The following TNFSF13B variants were observed in gnomAD, a reference collection of about 807,000 sequenced individuals.
The protein encoded by TNFSF13B is TNF superfamily member 13b, also known as tumor necrosis factor ligand superfamily member 13B.
TNFSF13B carries 8 observed loss-of-function variants against 29.1 expected under a neutral mutation model. That is an observed-to-expected ratio of 0.27 (90% CI 0.16 to 0.50). The LOEUF (loss-of-function observed/expected upper bound fraction) is 0.50. TNFSF13B is among the 20% of genes least tolerant of loss of function. The pLI is 0.98. For missense variants in TNFSF13B, 248 were observed against 334.9 expected (o/e 0.74, Z 2.03); for synonymous variants, 125 against 130.8 (o/e 0.96, Z 0.30).
chr13:108,280,077 T>TC (rs1191541198), intron 2 of TNFSF13B, among the ~76,000 whole-genome samples: 1 of 151,234 alleles, frequency 6.6e-6, no homozygotes, highest in East Asian at 1.9e-4. Context: ...TGCTTTTTTT[T>TC]TTTTTTTTTT....
At chr13:108,292,698 T>C (rs1881355109) in intron 3 of TNFSF13B, among the ~76,000 whole-genome samples, 1 of 152,184 alleles carries the variant, frequency 6.6e-6, no homozygotes, top group Non-Finnish European at 1.5e-5. Flanking sequence ...GAGCATCTTT[T>C]CATGTCCTTT....
chr13:108,302,073 C>T (rs935243159), intron 3 of TNFSF13B, among the ~76,000 whole-genome samples: 1 of 152,158 alleles, frequency 6.6e-6, no homozygotes, highest in Non-Finnish European at 1.5e-5. Context: ...ATCCTGTGCC[C>T]CTCATGAAAA....
At chr13:108,270,609 T>C (rs1880586884) in intron 2 of TNFSF13B, among the ~76,000 whole-genome samples, 185 bp downstream of exon 2, 1 of 152,118 alleles carries the variant, frequency 6.6e-6, no homozygotes, top group Non-Finnish European at 1.5e-5. Flanking sequence ...GCTGCATGGG[T>C]GTGCTTTTTC....
chr13:108,296,751 A>T, intron 3 of TNFSF13B, among the ~76,000 whole-genome samples: 1 of 143,624 alleles, frequency 7.0e-6, no homozygotes, highest in Non-Finnish European at 1.5e-5. Context: ...TTTTCTCTTA[A>T]TTTCTTTTTG....
At chr13:108,289,213 TC>T (rs1881233131) in intron 3 of TNFSF13B, among the ~76,000 whole-genome samples, 1 of 151,860 alleles carries the variant, frequency 6.6e-6, no homozygotes, top group African/African-American at 2.4e-5. Context: ...GCTGCTATAC[TC>T]CAATGTGCGT....
intron 3 of TNFSF13B, among the ~76,000 whole-genome samples, chr13:108,294,148 G>A (rs1881398823): frequency 6.6e-6 from 1 of 150,596 alleles, no homozygotes; most frequent in Non-Finnish European, 1.5e-5. Flanking sequence ...TGAATTCATT[G>A]ATTAGTTTTA....
Position 108,270,027 on chromosome 13 carries a change from C to T in TNFSF13B, c.132C>T (p.Asp44=), listed in dbSNP as rs1206151429. The change falls in exon 1 of 6, where the codon GAC becomes GAT. Residue 44 remains aspartate (D), a synonymous_variant. Coordinates refer to ENST00000375887, the MANE Select transcript of TNFSF13B (RefSeq NM_006573.5). ...KESPSVRSSK[D]GKLLAATLLL... ...GCCCCTCTGTCCGATCCTCCAAAGA[C>T]GGAAAGCTGCTGGCTGCAACCTTGC... 6.2e-7 allele frequency: 1 copy of T among 1,612,492 alleles called. No individual in the cohort carries two copies. The highest frequency in any genetic ancestry group is 1.7e-5 in the Admixed American group (1 of 60,020).
chr13:108,289,529 T>A (rs1881243570), intron 3 of TNFSF13B, among the ~76,000 whole-genome samples: 1 of 148,262 alleles, frequency 6.7e-6, no homozygotes, highest in South Asian at 2.1e-4. Flanking sequence ...TAATAATATA[T>A]TATTAATATT....
chr13:108,303,825 C>A (rs1328141448), intron 5 of TNFSF13B, among the ~76,000 whole-genome samples: 1 of 152,068 alleles, frequency 6.6e-6, no homozygotes, highest in Non-Finnish European at 1.5e-5. Flanking sequence ...TTTTTATATA[C>A]ATTTAGAAAG....
intron 1 of TNFSF13B, 51 bp downstream of exon 1, chr13:108,270,285 G>T: frequency 6.2e-7 from 1 of 1,613,340 alleles, no homozygotes; most frequent in South Asian, 1.1e-5. Context: ...CTACACTGCT[G>T]CCTCTCCCTC....
At position 108,298,830 on chromosome 13, in the gene TNFSF13B, G is replaced by A. The variant is rs891034066; in HGVS notation, c.482-4423G>A. 5.5e-5 allele frequency among the ~76,000 whole-genome samples: 8 copies of A among 145,230 alleles called. 1 individual carries two copies. The highest frequency in any genetic ancestry group is 1.5e-5 in the Non-Finnish European group (1 of 65,490). ...TACTAAAAATACAAAACTTAGCCCGGCGTAGTGGCACTTGCCTGTAGTCGC... is the reference window on the plus strand; with the variant it reads ...TACTAAAAATACAAAACTTAGCCCGACGTAGTGGCACTTGCCTGTAGTCGC... On this transcript the variant is annotated intron_variant, in intron 3 of 5. Coordinates refer to ENST00000375887, the MANE Select transcript of TNFSF13B (RefSeq NM_006573.5).
In TNFSF13B at chr13:108,299,484, C is replaced by CT. The variant is rs371085785; in HGVS notation, c.482-3759dup. ...CTTGTTTAGTAATTTTTCCAAAATA[C>CT]TTTTTTTTTTGTTTGCCTAGACTCT... On this transcript the variant is annotated intron_variant, in intron 3 of 5. Coordinates refer to ENST00000375887, the MANE Select transcript of TNFSF13B (RefSeq NM_006573.5). 2.6e-3 allele frequency among the ~76,000 whole-genome samples: 308 copies of CT among 117,782 alleles called. 7 individuals are homozygous for CT. In the East Asian group the frequency reaches 0.034, roughly 13 times the overall value. 77.3% of individuals were successfully genotyped at this position (117,782 alleles called of 152,430 possible). A position where few individuals can be genotyped will look rare whatever the true frequency, so the allele number is the denominator to read the frequency against.
In TNFSF13B at chr13:108,270,384, C is replaced by G; in HGVS notation, c.384C>G (p.Asn128Lys). Residue 128 changes from asparagine to lysine, a missense_variant, in exon 2 of 6, where the codon AAC (asparagine) becomes AAG (lysine). Transcript: ENST00000375887. ...CAGGAGAAGGCAACTCCAGTCAGAA[C>G]AGCAGAAATAAGCGTGCCGTTCAGG... ...PAPGEGNSSQ[N>K]SRNKRAVQGP... is the part of the protein sequence containing the mutation. 2 of 1,614,114 alleles carry G rather than the reference C, an allele frequency of 1.2e-6. No individual in the cohort carries two copies. The highest frequency in any genetic ancestry group is 1.7e-6 in the Non-Finnish European group (2 of 1,179,974).
chr13:108,292,064 C>T (rs1004304989), intron 3 of TNFSF13B, among the ~76,000 whole-genome samples: 1 of 152,034 alleles, frequency 6.6e-6, no homozygotes, highest in African/African-American at 2.4e-5. Flanking sequence ...CACCAACTCT[C>T]TCTAGCTCCA....
At chr13:108,278,569 C>T in intron 2 of TNFSF13B, among the ~76,000 whole-genome samples, 3 of 141,120 alleles carry the variant, frequency 2.1e-5, no homozygotes, top group African/African-American at 2.7e-5. Flanking sequence ...TTTCTTCCTA[C>T]CCCCTCCTCT....
chr13:108,274,999 CTTAA>C (rs1880725696), intron 2 of TNFSF13B, among the ~76,000 whole-genome samples: 1 of 151,890 alleles, frequency 6.6e-6, no homozygotes, highest in African/African-American at 2.4e-5. Context: ...TTTTGTTTTT[CTTAA>C]TTACTTTGTG....
intron 2 of TNFSF13B, among the ~76,000 whole-genome samples, chr13:108,273,612 G>A (rs1880680845): frequency 6.6e-6 from 1 of 152,204 alleles, no homozygotes; most frequent in Admixed American, 6.5e-5. Context: ...CTCAAGTGCT[G>A]TGAGTATCTG....
chr13:108,294,183 A>ATT (rs111754666), intron 3 of TNFSF13B, among the ~76,000 whole-genome samples: 1,697 of 144,022 alleles, frequency 0.012, 17 homozygotes, highest in African/African-American at 0.033. Flanking sequence ...AAATTCATGG[A>ATT]TTTTTTTTTT....
chr13:108,307,097 C>A lies in TNFSF13B; in HGVS notation c.*159C>A. 1 of 538,950 alleles carries A rather than the reference C, an allele frequency of 1.9e-6. No individual in the cohort carries two copies. The highest frequency in any genetic ancestry group is 3.1e-6 in the Non-Finnish European group (1 of 319,586). The allele number at this position is 538,950 out of a possible 1,614,324, so 33.4% of individuals were successfully genotyped here. ...AGCTATTTGTTTTGGTTTGCTGAAA[C>A]TAGTCCAAAACAGGAAATTTAACAG... On this transcript the variant is annotated 3_prime_UTR_variant, in exon 6 of 6. Transcript: ENST00000375887.
Sources: gnomAD v4.1 joint callset for allele counts (sites outside exome capture counted in the v4.1 genomes callset) on GRCh38, gnomAD v4.1.1 for gene constraint, MANE v1.5 for transcripts, NCBI Gene and HGNC (gene_info 2026-07-23, HGNC 2026-07-21) for gene names.